PTBP2: variants seen among roughly 807,000 people sequenced by gnomAD.
The protein encoded by PTBP2 is polypyrimidine tract binding protein 2, also known as polypyrimidine tract-binding protein 2.
PTBP2 carries 13 observed loss-of-function variants against 61.4 expected under a neutral mutation model. The observed-to-expected ratio is 0.21, with a 90% CI of 0.14 to 0.34. PTBP2 has a LOEUF of 0.34. PTBP2 is among the 10% of genes least tolerant of loss of function. PTBP2 has a pLI of 1.00. For missense variants in PTBP2, 405 were observed against 642.6 expected (o/e 0.63, Z 4.00); for synonymous variants, 215 against 218.5 (o/e 0.98, Z 0.14).
chr1:96,794,078 C>G (rs963461951), intron 8 of PTBP2, among the ~76,000 whole-genome samples: 4 of 152,146 alleles, frequency 2.6e-5, no homozygotes, highest in Non-Finnish European at 5.9e-5. Context: ...TATGTTTACC[C>G]ATTATATTGT....
chr1:96,782,082 G>C (rs1339864704), intron 7 of PTBP2, among the ~76,000 whole-genome samples: 1 of 151,864 alleles, frequency 6.6e-6, no homozygotes, highest in Non-Finnish European at 1.5e-5. Context: ...TTTTTACATA[G>C]TCCTTACATT....
chr1:96,743,736 G>A (rs560208372), intron 2 of PTBP2, among the ~76,000 whole-genome samples: 67 of 152,140 alleles, frequency 4.4e-4, no homozygotes, highest in East Asian at 7.7e-4. Flanking sequence ...TGTTAGTATC[G>A]TCGCAACAGC....
rs752648328 is a variant in PTBP2 at position 96,751,445 on chromosome 1, C to G, written c.60C>G (p.Leu20=). 1.9e-6 allele frequency: 3 copies of G among 1,612,820 alleles called. No individual in the cohort carries two copies. The highest frequency in any genetic ancestry group is 1.1e-5 in the South Asian group (1 of 91,010). The change falls in exon 3 of 14, where the codon CTC becomes CTG. Residue 20 remains leucine (L), a synonymous_variant. Coordinates refer to ENST00000674951, the MANE Select transcript of PTBP2 (RefSeq NM_021190.4). ...VGVKRGSDEL[L]SGSVLSSPNS... is the part of the protein sequence containing the mutation. ...CATAGAGAGGATCTGACGAACTACT[C>G]TCAGGCAGTGTTCTCAGTAGTCCGA...
At chr1:96,733,107 G>T (rs1651678040) in intron 2 of PTBP2, among the ~76,000 whole-genome samples, 2 of 151,634 alleles carry the variant, frequency 1.3e-5, no homozygotes, top group Admixed American at 1.3e-4. Context: ...TCTGACACAG[G>T]TGGGCTAAAA....
At chr1:96,724,119 T>C (rs1317166348) in intron 2 of PTBP2, among the ~76,000 whole-genome samples, 1 of 152,242 alleles carries the variant, frequency 6.6e-6, no homozygotes, top group African/African-American at 2.4e-5. Context: ...AAAGAAAGTC[T>C]TTATGGTAGA....
chr1:96,762,187 C>CT (rs1239446568), intron 3 of PTBP2, among the ~76,000 whole-genome samples: 1 of 150,796 alleles, frequency 6.6e-6, no homozygotes, highest in Non-Finnish European at 1.5e-5. Flanking sequence ...CCTTTCCCCC[C>CT]TTTCTATTCC....
chr1:96,770,979 AT>A (rs1024174934), intron 5 of PTBP2, 128 bp downstream of exon 5: 1 of 742,292 alleles, frequency 1.3e-6, no homozygotes, highest in African/African-American at 1.8e-5. Context: ...TTTTTAAGGT[AT>A]TTTCATGCAG....
chr1:96,753,184 T>C (rs1654780584), intron 3 of PTBP2, among the ~76,000 whole-genome samples: 1 of 152,176 alleles, frequency 6.6e-6, no homozygotes, highest in East Asian at 1.9e-4. Flanking sequence ...GCCAGGTCTG[T>C]CAGAAATTGT....
At chr1:96,811,021 T>C (rs1662028323) in intron 11 of PTBP2, among the ~76,000 whole-genome samples, 1 of 151,986 alleles carries the variant, frequency 6.6e-6, no homozygotes, top group Admixed American at 6.6e-5. Context: ...ACTTAAAATA[T>C]ATAACACTGG....
Position 96,738,427 on chromosome 1 carries a change from C to G in PTBP2, c.40-12998C>G, listed in dbSNP as rs1318979207. On this transcript the variant is annotated intron_variant, in intron 2 of 13. Coordinates refer to ENST00000674951, the MANE Select transcript of PTBP2 (RefSeq NM_021190.4). ...TAGCTGGGACTGCAGGTGCCTGCCA[C>G]CACACCTGGCTAATTTTTTGTATTT... Among the ~76,000 whole-genome samples the G allele has an allele frequency of 2.6e-5, 4 of 152,044 alleles. No individual in the cohort carries two copies. The South Asian group carries it at 8.3e-4, about 32-fold the overall frequency.
At chr1:96,754,261 G>T (rs1654910299) in intron 3 of PTBP2, among the ~76,000 whole-genome samples, 1 of 152,154 alleles carries the variant, frequency 6.6e-6, no homozygotes, top group Admixed American at 6.5e-5. Context: ...GATAAGAGGA[G>T]TACTGGGAAT....
rs990671317 is a variant in PTBP2 at position 96,730,027 on chromosome 1, A to G, written c.39+6433A>G. Among the ~76,000 whole-genome samples, 5 of 152,174 alleles carry G rather than the reference A, an allele frequency of 3.3e-5. 1 individual carries two copies. In the South Asian group the frequency reaches 1.0e-3, roughly 32 times the overall value. On this transcript the variant is annotated intron_variant, in intron 2 of 13. Transcript: ENST00000674951. Reference sequence around the variant, plus strand: ...CAGGCGTGAGCCACTGCGCCCAGCCATGATACTACATTTTTACACTTTTGG... The same window carrying G: ...CAGGCGTGAGCCACTGCGCCCAGCCGTGATACTACATTTTTACACTTTTGG...
In PTBP2 at chr1:96,814,047, A is replaced by G. The variant is rs978889913; in HGVS notation, c.*642A>G. Reference sequence around the variant, plus strand: ...ATGTAGGCATTAGTTAAAATTAACAAGATGCAGAGTATTAATTTCTTAAGA... The same window carrying G: ...ATGTAGGCATTAGTTAAAATTAACAGGATGCAGAGTATTAATTTCTTAAGA... On this transcript the variant is annotated 3_prime_UTR_variant, in exon 14 of 14. Coordinates refer to ENST00000674951, the MANE Select transcript of PTBP2 (RefSeq NM_021190.4). 5 of 152,640 alleles carry G rather than the reference A, an allele frequency of 3.3e-5. No homozygotes were observed. The highest frequency in any genetic ancestry group is 3.3e-4 in the Admixed American group (5 of 15,288). The allele number at this position is 152,640 out of a possible 1,614,324, so 9.5% of individuals were successfully genotyped here. A position where few individuals can be genotyped will look rare whatever the true frequency, so the allele number is the denominator to read the frequency against.
Position 96,774,591 on chromosome 1 carries a change from C to A in PTBP2, c.433-2994C>A, listed in dbSNP as rs185668129. On this transcript the variant is annotated intron_variant, in intron 5 of 13. Coordinates refer to ENST00000674951, the MANE Select transcript of PTBP2 (RefSeq NM_021190.4). ...AATCACCAGGTCCTATTAGTTCACA[C>A]TTTTTAATTATCTGCCTGGTTTTCT... Among the ~76,000 whole-genome samples the A allele has an allele frequency of 1.2e-3, 188 of 152,338 alleles. 1 individual carries two copies. The highest frequency in any genetic ancestry group is 4.4e-3 in the African/African-American group (183 of 41,584).
At chr1:96,729,698 A>G (rs1651115612) in intron 2 of PTBP2, among the ~76,000 whole-genome samples, 1 of 151,098 alleles carries the variant, frequency 6.6e-6, no homozygotes, top group Non-Finnish European at 1.5e-5. Context: ...TAAGTTGCTG[A>G]ATGTATTTGT....
intron 3 of PTBP2, among the ~76,000 whole-genome samples, chr1:96,761,345 G>GGTGT (rs1557720471): frequency 6.2e-4 from 50 of 80,926 alleles, no homozygotes; most frequent in African/African-American, 1.8e-3. Flanking sequence ...TGTGGGATTT[G>GGTGT]ATGTGTGTGT....
In PTBP2 at chr1:96,741,082, G is replaced by A. The variant is rs548233098; in HGVS notation, c.40-10343G>A. ...GTTTCTATACATTCTTTGAAAATCG[G>A]CATTGTTGGACTTTTTAATTTTGCT... On this transcript the variant is annotated intron_variant, in intron 2 of 13. Coordinates refer to ENST00000674951, the MANE Select transcript of PTBP2 (RefSeq NM_021190.4). Among the ~76,000 whole-genome samples, 6 of 151,556 alleles carry A rather than the reference G, an allele frequency of 4.0e-5. No individual in the cohort carries two copies. In the South Asian group the frequency reaches 1.0e-3, roughly 26 times the overall value.
intron 12 of PTBP2, 29 bp from the exon 13 acceptor site, chr1:96,813,000 C>T (rs1662221380): frequency 6.3e-7 from 1 of 1,598,718 alleles, no homozygotes; most frequent in African/African-American, 1.3e-5. Context: ...TCTTAATCTT[C>T]ACTTTTTCTT....
chr1:96,749,142 C>G (rs747343635), intron 2 of PTBP2, among the ~76,000 whole-genome samples: 5 of 151,994 alleles, frequency 3.3e-5, no homozygotes, highest in Non-Finnish European at 7.4e-5. Context: ...CAAAAAGATG[C>G]ATTGCAGGAA....
Sources: allele counts gnomAD v4.1 joint callset (sites outside exome capture counted in the v4.1 genomes callset), GRCh38; gene constraint gnomAD v4.1.1; transcripts MANE v1.5; gene names NCBI Gene and HGNC (gene_info 2026-07-23, HGNC 2026-07-21).